DMD: variants seen among roughly 807,000 people sequenced by gnomAD.
DMD encodes the protein dystrophin.
DMD carries 63 observed loss-of-function variants against 330.1 expected under a neutral mutation model. That is an observed-to-expected ratio of 0.19 (90% CI 0.16 to 0.24). The LOEUF is 0.24. Ranked by LOEUF, DMD falls within the 10% of genes least tolerant of loss-of-function variation. The pLI is 1.00. For missense variants in DMD, 3,344 were observed against 2,684.1 expected, an observed-to-expected ratio of 1.25 and a Z score of -5.43; for synonymous variants, 1,223 against 959.8, an observed-to-expected ratio of 1.27 and a Z score of -5.07.
intron 57 of DMD, among the ~76,000 whole-genome samples, chrX:31,486,471 G>A (rs1214129850): frequency 8.9e-6 from 1 of 112,383 alleles, no homozygotes; most frequent in Non-Finnish European, 1.9e-5. Flanking sequence ...GTTACTGGGT[G>A]GAATTTCCTC....
chrX:31,490,333 C>T (rs947601066), intron 57 of DMD, among the ~76,000 whole-genome samples: 1 of 111,460 alleles, frequency 9.0e-6, no homozygotes, highest in Non-Finnish European at 1.9e-5. Flanking sequence ...GAGGCTGAGG[C>T]GGGTGGATCA....
intron 9 of DMD, among the ~76,000 whole-genome samples, chrX:32,650,036 G>A (rs981572239): frequency 9.0e-6 from 1 of 111,091 alleles, no homozygotes; most frequent in Non-Finnish European, 1.9e-5. Context: ...AGGTGAATGA[G>A]CTCTGTGTGT....
chrX:33,167,615 G>T (rs1454303436), intron 1 of DMD, among the ~76,000 whole-genome samples: 1 of 111,056 alleles, frequency 9.0e-6, no homozygotes, highest in East Asian at 2.8e-4. Context: ...GTTAAAATGT[G>T]TGTGGCACAG....
At chrX:31,291,820 T>C (rs2053719327) in intron 62 of DMD, among the ~76,000 whole-genome samples, 1 of 110,622 alleles carries the variant, frequency 9.0e-6, no homozygotes, top group African/African-American at 3.3e-5. Flanking sequence ...ATATAACTAA[T>C]AAACACAGAT....
intron 7 of DMD, among the ~76,000 whole-genome samples, chrX:32,704,550 T>G (rs2064433628): frequency 8.9e-6 from 1 of 112,074 alleles, no homozygotes. Context: ...CATGTGTAAT[T>G]GAAAACAAGC....
intron 2 of DMD, among the ~76,000 whole-genome samples, chrX:32,883,367 T>G (rs2084147110): frequency 9.0e-6 from 1 of 111,694 alleles, no homozygotes; most frequent in African/African-American, 3.3e-5. Context: ...ATTTGGACAC[T>G]GGTAATTGCT....
At chrX:32,668,861 TGTTA>T (rs1462748301) in intron 9 of DMD, among the ~76,000 whole-genome samples, 1 of 110,919 alleles carries the variant, frequency 9.0e-6, no homozygotes, top group African/African-American at 3.3e-5. Flanking sequence ...AATGGGAGTA[TGTTA>T]GTTAAATACT....
At chrX:32,435,480 C>T (rs979687539) in intron 29 of DMD, among the ~76,000 whole-genome samples, 1 of 108,314 alleles carries the variant, frequency 9.2e-6, no homozygotes, top group Non-Finnish European at 1.9e-5. Context: ...AAAAAAAACC[C>T]CCTATGAAAC....
intron 60 of DMD, among the ~76,000 whole-genome samples, chrX:31,380,185 A>C (rs141243123): frequency 0.067 from 7,425 of 110,088 alleles, 247 homozygotes; most frequent in South Asian, 0.17. Context: ...TAAAACTCCC[A>C]AACTCTGGTG....
intron 1 of DMD, among the ~76,000 whole-genome samples, chrX:33,065,200 G>C (rs2094635722): frequency 8.9e-6 from 1 of 112,168 alleles, no homozygotes; most frequent in Non-Finnish European, 1.9e-5. Flanking sequence ...TTATAATTTT[G>C]TGTATACAGT....
At chrX:32,188,995 C>T (rs773272758) in intron 44 of DMD, among the ~76,000 whole-genome samples, 2 of 110,572 alleles carry the variant, frequency 1.8e-5, no homozygotes, top group South Asian at 3.8e-4. Context: ...TTTTATTCCT[C>T]CTTAATTTAT....
intron 51 of DMD, among the ~76,000 whole-genome samples, chrX:31,759,618 C>T (rs1275331885): frequency 8.9e-6 from 1 of 111,783 alleles, no homozygotes; most frequent in African/African-American, 3.2e-5. Context: ...ATATTATGTA[C>T]TACTCTTTAA....
At chrX:32,570,028 T>C (rs1276863499) in intron 15 of DMD, among the ~76,000 whole-genome samples, 1 of 111,636 alleles carries the variant, frequency 9.0e-6, no homozygotes, top group African/African-American at 3.3e-5. Context: ...TAAAAAATAA[T>C]AGATCTACAT....
chrX:32,826,380 C>T (rs186125846), intron 4 of DMD, among the ~76,000 whole-genome samples: 1 of 111,640 alleles, frequency 9.0e-6, no homozygotes, highest in East Asian at 2.8e-4. Context: ...GAAATAACTG[C>T]ACTTCAATGT....
intron 15 of DMD, among the ~76,000 whole-genome samples, chrX:32,571,410 T>A: frequency 8.9e-6 from 1 of 111,879 alleles, no homozygotes; most frequent in Non-Finnish European, 1.9e-5. Flanking sequence ...TTTGAAATCT[T>A]TATTCTCCTC....
At chrX:31,568,152 A>C (rs1281749644) in intron 55 of DMD, among the ~76,000 whole-genome samples, 2 of 111,067 alleles carry the variant, frequency 1.8e-5, no homozygotes, top group Non-Finnish European at 3.8e-5. Flanking sequence ...TATAAGTTGA[A>C]TTCTCTAAAT....
chrX:32,007,214 TATAATA>T (rs200080398), intron 44 of DMD, among the ~76,000 whole-genome samples: 3,900 of 94,391 alleles, frequency 0.041, 165 homozygotes, highest in African/African-American at 0.12. Flanking sequence ...AAACTTAAAG[TATAATA>T]ATAATAATAA....
chrX:31,816,328 A>G (rs1194697800), intron 50 of DMD, among the ~76,000 whole-genome samples: 1 of 111,517 alleles, frequency 9.0e-6, no homozygotes, highest in Non-Finnish European at 1.9e-5. Flanking sequence ...GCCACAAGGT[A>G]GTTTGGTTTA....
At chrX:33,012,872 C>A (rs1244347941) in intron 2 of DMD, among the ~76,000 whole-genome samples, 1 of 111,057 alleles carries the variant, frequency 9.0e-6, no homozygotes, top group Non-Finnish European at 1.9e-5. Flanking sequence ...CCTAACCACA[C>A]AAGTTGAGGG....
Sources: gnomAD v4.1 joint callset for allele counts (sites outside exome capture counted in the v4.1 genomes callset) on GRCh38, gnomAD v4.1.1 for gene constraint, MANE v1.5 for transcripts, NCBI Gene and HGNC (gene_info 2026-07-23, HGNC 2026-07-21) for gene names.